ANKRD30BL: variants seen among roughly 807,000 people sequenced by gnomAD.
ANKRD30BL encodes putative ankyrin repeat domain-containing protein 30B-like.
A neutral mutation model predicts 18.4 loss-of-function variants in ANKRD30BL; 20 were observed. That is an observed-to-expected ratio of 1.09 (90% CI 0.77 to 1.58). The LOEUF (loss-of-function observed/expected upper bound fraction) is 1.58, where lower values mean the gene tolerates loss of function less well. Among genes scored for constraint, ANKRD30BL ranks in the 40% most tolerant of loss-of-function variants. The pLI is 0.00. For missense variants in ANKRD30BL, 224 were observed against 268.6 expected, an observed-to-expected ratio of 0.83 and a Z score of 1.16; for synonymous variants, 72 against 100.9, an observed-to-expected ratio of 0.71 and a Z score of 1.72.
chr2:132,201,733 G>A (rs541185062), intron 1 of ANKRD30BL, among the ~76,000 whole-genome samples: 18 of 152,192 alleles, frequency 1.2e-4, no homozygotes, highest in Non-Finnish European at 1.8e-4. Context: ...AGTCAGTGTG[G>A]TGATTCCTCA....
At chr2:132,254,320 C>A (rs1298593087) in intron 1 of ANKRD30BL, among the ~76,000 whole-genome samples, 2 of 151,412 alleles carry the variant, frequency 1.3e-5, no homozygotes, top group Admixed American at 6.6e-5. Flanking sequence ...GACATGGCGG[C>A]GTCTCCGTGG....
rs962441710 is a variant in ANKRD30BL at position 132,244,812 on chromosome 2, A to C, written n.441+12717T>G. On this transcript the variant is annotated intron_variant and non_coding_transcript_variant, in intron 1 of 4. Transcript: ENST00000470729. Reference sequence around the variant, plus strand: ...TCAGAAACTTCTTTGTGATGTTTGCATTCATCTCACAGAGTTGAACTTTCC... The same window carrying C: ...TCAGAAACTTCTTTGTGATGTTTGCCTTCATCTCACAGAGTTGAACTTTCC... Among the ~76,000 whole-genome samples the C allele has an allele frequency of 2.8e-4, 42 of 152,290 alleles. 1 individual carries two copies. The highest frequency in any genetic ancestry group is 6.5e-5 in the Admixed American group (1 of 15,288).
Position 132,161,517 on chromosome 2 carries a change from C to T in ANKRD30BL, c.189G>A (p.Met63Ile), listed in dbSNP as rs1688058005. 12 of 1,456,810 alleles carry T rather than the reference C, an allele frequency of 8.2e-6. No individual in the cohort carries two copies. The highest frequency in any genetic ancestry group is 1.1e-5 in the Non-Finnish European group (12 of 1,063,420). The allele number at this position is 1,456,810 out of a possible 1,614,324, so 90.2% of individuals were successfully genotyped here. A position where few individuals can be genotyped will look rare whatever the true frequency, so the allele number is the denominator to read the frequency against. Reference protein sequence around the residue: ...KLERMMKKTTMDLNIRDAKKR... With the variant: ...KLERMMKKTTIDLNIRDAKKR... The stretch of plus-strand genomic sequence containing the variant: ...TCTTCGCATCTCTTATGTTCAGGTC[C>T]ATTGTCGTCTTCTTCATCATCCTCT... Residue 63 changes from methionine to isoleucine, a missense_variant, in exon 1 of 6, where the codon ATG becomes ATA. By Grantham distance (10) the Met-to-Ile change is conservative. Coordinates refer to ENST00000409867, the MANE Select transcript of ANKRD30BL (RefSeq NM_001358416.1).
At chr2:132,254,081 TG>T (rs565459834) in intron 1 of ANKRD30BL, among the ~76,000 whole-genome samples, 10,228 of 147,826 alleles carry the variant, frequency 0.069, 1,146 homozygotes, top group African/African-American at 0.24. Flanking sequence ...GACACACACA[TG>T]GGGGCCACAG....
intron 1 of ANKRD30BL, among the ~76,000 whole-genome samples, chr2:132,224,423 C>T (rs545814679): frequency 6.6e-6 from 1 of 152,098 alleles, no homozygotes; most frequent in East Asian, 1.9e-4. Context: ...GTAGAATCTG[C>T]AAGTGGATAT....
chr2:132,154,168 G>A (rs1409963762), intron 4 of ANKRD30BL, among the ~76,000 whole-genome samples: 2 of 152,100 alleles, frequency 1.3e-5, no homozygotes. Context: ...GTTTTACCAT[G>A]TTGGCTAGGC....
At chr2:132,168,374 G>A (rs1038955569) in intron 1 of ANKRD30BL, among the ~76,000 whole-genome samples, 13 of 152,102 alleles carry the variant, frequency 8.5e-5, no homozygotes, top group Middle Eastern at 3.4e-3. Flanking sequence ...ACAGATTACT[G>A]GATAAAGAAA....
At chr2:132,216,613 G>A in intron 1 of ANKRD30BL, among the ~76,000 whole-genome samples, 1 of 152,124 alleles carries the variant, frequency 6.6e-6, no homozygotes, top group Non-Finnish European at 1.5e-5. Context: ...TCTTTTGATT[G>A]AGCACCTTTG....
At chr2:132,224,264 A>C (rs980211800) in intron 1 of ANKRD30BL, among the ~76,000 whole-genome samples, 9 of 151,986 alleles carry the variant, frequency 5.9e-5, no homozygotes, top group Non-Finnish European at 1.3e-4. Flanking sequence ...GCAAGTGGAC[A>C]TTTGGAGATC....
chr2:132,221,261 C>T (rs1315563897), intron 1 of ANKRD30BL, among the ~76,000 whole-genome samples: 5 of 148,052 alleles, frequency 3.4e-5, no homozygotes, highest in Non-Finnish European at 6.0e-5. Flanking sequence ...GCCCGGCCGC[C>T]CCTACTGGGA....
chr2:132,198,126 T>A (rs2104744030), intron 1 of ANKRD30BL, among the ~76,000 whole-genome samples: 1 of 152,104 alleles, frequency 6.6e-6, no homozygotes, highest in East Asian at 1.9e-4. Flanking sequence ...TGAGGGTGTC[T>A]TATTTACAAT....
chr2:132,231,382 G>A (rs1408685224), intron 1 of ANKRD30BL, among the ~76,000 whole-genome samples: 2 of 152,224 alleles, frequency 1.3e-5, no homozygotes, highest in Non-Finnish European at 2.9e-5. Context: ...CTCCCAGCGT[G>A]AGCGACGCAG....
intron 1 of ANKRD30BL, among the ~76,000 whole-genome samples, chr2:132,196,006 G>A (rs1200056267): frequency 6.6e-6 from 1 of 151,286 alleles, no homozygotes; most frequent in Non-Finnish European, 1.5e-5. Context: ...GCCCAGCATG[G>A]TGGTGGGCAC....
intron 1 of ANKRD30BL, among the ~76,000 whole-genome samples, chr2:132,232,166 AC>A (rs1221562525): frequency 2.0e-5 from 3 of 152,352 alleles, no homozygotes; most frequent in Admixed American, 2.0e-4. Flanking sequence ...AAGGACATCC[AC>A]AACAAAAACC....
chr2:132,251,855 T>A (rs1680657151), intron 1 of ANKRD30BL, among the ~76,000 whole-genome samples: 1 of 152,280 alleles, frequency 6.6e-6, no homozygotes, highest in East Asian at 1.9e-4. Context: ...CTAAGAAAAC[T>A]TGGTAATGAG....
chr2:132,221,621 CCGCCCAG>C (rs1679687794), intron 1 of ANKRD30BL, among the ~76,000 whole-genome samples: 1 of 127,170 alleles, frequency 7.9e-6, no homozygotes, highest in African/African-American at 3.7e-5. Flanking sequence ...GCCCGGCCAG[CCGCCCAG>C]TCCGGGAGGG....
intron 1 of ANKRD30BL, among the ~76,000 whole-genome samples, chr2:132,182,095 CAG>C (rs1426697384): frequency 6.6e-6 from 1 of 151,230 alleles, no homozygotes; most frequent in Admixed American, 6.6e-5. Flanking sequence ...GCCTGGGCAA[CAG>C]AGCAAGACTC....
chr2:132,181,806 T>A (rs1197835533), intron 1 of ANKRD30BL, among the ~76,000 whole-genome samples: 1 of 152,100 alleles, frequency 6.6e-6, no homozygotes, highest in African/African-American at 2.4e-5. Context: ...GGATGAACTG[T>A]TTAGGTCAAA....
At chr2:132,231,300 C>T (rs1680003802) in intron 1 of ANKRD30BL, among the ~76,000 whole-genome samples, 2 of 152,136 alleles carry the variant, frequency 1.3e-5, no homozygotes, top group Non-Finnish European at 2.9e-5. Flanking sequence ...CGCTTTGAGG[C>T]CTTCATTGAA....
Sources: gnomAD v4.1 joint callset for allele counts (sites outside exome capture counted in the v4.1 genomes callset) on GRCh38, gnomAD v4.1.1 for gene constraint, MANE v1.5 for transcripts, NCBI Gene and HGNC (gene_info 2026-07-23, HGNC 2026-07-21) for gene names.